Variants in MPC1 observed in about 807,000 individuals in gnomAD.
MPC1 encodes HSPC040 protein.
In MPC1, 6 loss-of-function variants were observed where a neutral mutation model predicts 13.9. That is an observed-to-expected ratio of 0.43 (90% CI 0.24 to 0.85). The LOEUF (loss-of-function observed/expected upper bound fraction) is 0.85, where lower values mean the gene tolerates loss of function less well. MPC1 is among the 40% of genes least tolerant of loss of function. The pLI is 0.24. For missense variants in MPC1, 115 were observed against 143.3 expected, an observed-to-expected ratio of 0.80 and a Z score of 1.01; for synonymous variants, 47 against 50.5, an observed-to-expected ratio of 0.93 and a Z score of 0.29.
chr6:166,379,845 G>A (rs1453077835), intron 1 of MPC1, among the ~76,000 whole-genome samples: 1 of 152,234 alleles, frequency 6.6e-6, no homozygotes, highest in Non-Finnish European at 1.5e-5. Context: ...AAGCCGGGCT[G>A]TAAGCGTAAA....
Position 166,382,927 on chromosome 6 carries a change from C to T in MPC1, c.-51G>A. The T allele has an allele frequency of 6.4e-7, 1 of 1,557,028 alleles. No homozygotes were observed. Among genetic ancestry groups the T allele is most frequent in the Non-Finnish European group, 8.7e-7 (1 of 1,152,078 alleles). ...TGGTCCCTGCCTCTGCTGCCGCTTC[C>T]CAGAGCCAATGACACCCCGGCCAAC... On this transcript the variant is annotated 5_prime_UTR_variant, in exon 1 of 5. Coordinates refer to ENST00000360961, the MANE Select transcript of MPC1 (RefSeq NM_016098.4).
In MPC1 at chr6:166,370,304, T is replaced by C. The variant is rs1223628538; in HGVS notation, c.72-83A>G. On this transcript the variant is annotated intron_variant, in intron 1 of 4. Coordinates refer to ENST00000360961, the MANE Select transcript of MPC1 (RefSeq NM_016098.4). ...AAAAATCAAATGATTTTGGTCTTAT[T>C]AGGTTACTGCAACCTCACACCTGTA... 5.8e-6 allele frequency: 4 copies of C among 684,840 alleles called. No homozygotes were observed. In the Admixed American group the frequency reaches 8.8e-5, roughly 15 times the overall value. 42.4% of individuals were successfully genotyped at this position (684,840 alleles called of 1,614,324 possible). A position where few individuals can be genotyped will look rare whatever the true frequency, so the allele number is the denominator to read the frequency against.
At chr6:166,377,778 A>G (rs1243468159) in intron 1 of MPC1, among the ~76,000 whole-genome samples, 1 of 152,204 alleles carries the variant, frequency 6.6e-6, no homozygotes, top group Non-Finnish European at 1.5e-5. Flanking sequence ...GACAGTAAAG[A>G]TCTTTGTGAC....
At chr6:166,381,568 A>G (rs1419392734) in intron 1 of MPC1, among the ~76,000 whole-genome samples, 1 of 152,164 alleles carries the variant, frequency 6.6e-6, no homozygotes, top group African/African-American at 2.4e-5. Flanking sequence ...AAAATCATAC[A>G]CTGAAAAACT....
intron 1 of MPC1, among the ~76,000 whole-genome samples, chr6:166,379,117 A>C (rs1290031867): frequency 1.3e-5 from 2 of 152,188 alleles, no homozygotes; most frequent in Non-Finnish European, 2.9e-5. Context: ...CAAAGTCCAC[A>C]CATTATCTTT....
At chr6:166,382,497 G>A (rs1562463147) in intron 1 of MPC1, among the ~76,000 whole-genome samples, 1 of 149,748 alleles carries the variant, frequency 6.7e-6, no homozygotes, top group African/African-American at 2.5e-5. Flanking sequence ...GCCCTGAGGA[G>A]CGCCCACTGT....
At chr6:166,378,417 C>CGTGTGT (rs1562461415) in intron 1 of MPC1, among the ~76,000 whole-genome samples, 10 of 86,322 alleles carry the variant, frequency 1.2e-4, no homozygotes, top group African/African-American at 5.6e-4. Flanking sequence ...TATACAAATA[C>CGTGTGT]ATGTGTGTGT....
At chr6:166,368,397 A>C (rs578122988) in intron 2 of MPC1, among the ~76,000 whole-genome samples, 1 of 152,188 alleles carries the variant, frequency 6.6e-6, no homozygotes, top group Admixed American at 6.5e-5. Flanking sequence ...CTCTACTAAA[A>C]ATATAAAAAT....
intron 2 of MPC1, among the ~76,000 whole-genome samples, chr6:166,368,336 T>A (rs1020051290): frequency 3.9e-5 from 6 of 152,060 alleles, no homozygotes; most frequent in African/African-American, 1.4e-4. Context: ...GGCGGGTGGA[T>A]CACGAGGTCA....
chr6:166,380,323 G>T (rs534284640), intron 1 of MPC1, among the ~76,000 whole-genome samples: 1 of 152,118 alleles, frequency 6.6e-6, no homozygotes, highest in Non-Finnish European at 1.5e-5. Context: ...AAGTCTGCTG[G>T]GATCAACTTG....
intron 1 of MPC1, among the ~76,000 whole-genome samples, chr6:166,372,701 A>G (rs1779423637): frequency 6.6e-6 from 1 of 151,746 alleles, no homozygotes; most frequent in South Asian, 2.1e-4. Flanking sequence ...GCAGAACCAA[A>G]TTAGAAAAAA....
intron 2 of MPC1, among the ~76,000 whole-genome samples, chr6:166,368,550 T>C (rs1371542127): frequency 9.5e-6 from 1 of 105,146 alleles, no homozygotes; most frequent in African/African-American, 3.9e-5. Context: ...CGAGACTCCG[T>C]CTCAGGGAAA....
Position 166,376,687 on chromosome 6 carries a change from G to A in MPC1, c.71+6119C>T, listed in dbSNP as rs144656806. Among the ~76,000 whole-genome samples, 538 of 152,238 alleles carry A rather than the reference G, an allele frequency of 3.5e-3. 6 individuals are homozygous for A. Among genetic ancestry groups the A allele is most frequent in the African/African-American group, 0.012 (513 of 41,536 alleles). The stretch of plus-strand genomic sequence containing the variant: ...ATTAACCATTGCATTTGTCTTTTTG[G>A]AGCATTGATCCCATTATCATATGTA... On this transcript the variant is annotated intron_variant, in intron 1 of 4. Transcript: ENST00000360961.
intron 1 of MPC1, among the ~76,000 whole-genome samples, chr6:166,377,534 TA>T (rs1293396327): frequency 1.3e-5 from 2 of 152,220 alleles, no homozygotes; most frequent in Admixed American, 1.3e-4. Flanking sequence ...ATAACTTACT[TA>T]TGTAGTACTA....
At chr6:166,373,818 G>T (rs1779471460) in intron 1 of MPC1, among the ~76,000 whole-genome samples, 1 of 152,126 alleles carries the variant, frequency 6.6e-6, no homozygotes, top group Non-Finnish European at 1.5e-5. Context: ...GTTTTAATTT[G>T]CATTTCCCTG....
intron 2 of MPC1, among the ~76,000 whole-genome samples, chr6:166,369,656 T>C (rs1221150087): frequency 1.3e-5 from 2 of 152,238 alleles, no homozygotes; most frequent in Non-Finnish European, 2.9e-5. Context: ...TCTTCCCTTT[T>C]TTAGAATACA....
chr6:166,373,397 C>G (rs571341664), intron 1 of MPC1, among the ~76,000 whole-genome samples: 13 of 152,236 alleles, frequency 8.5e-5, no homozygotes, highest in Non-Finnish European at 1.8e-4. Flanking sequence ...CCTTTTCAGA[C>G]TGGCTTCTTT....
intron 3 of MPC1, 69 bp from the exon 4 acceptor site, chr6:166,366,175 G>T: frequency 6.5e-7 from 1 of 1,543,494 alleles, no homozygotes. Context: ...GGACCACAGA[G>T]ATGAACAGTT....
intron 2 of MPC1, chr6:166,367,198 T>G (rs1014907475): frequency 5.1e-6 from 6 of 1,170,678 alleles, no homozygotes; most frequent in Non-Finnish European, 5.3e-6. Context: ...TTTAGAACAT[T>G]TAAAAATAAA....
Sources: gnomAD v4.1 joint callset for allele counts (sites outside exome capture counted in the v4.1 genomes callset) on GRCh38, gnomAD v4.1.1 for gene constraint, MANE v1.5 for transcripts, NCBI Gene and HGNC (gene_info 2026-07-23, HGNC 2026-07-21) for gene names.